Variants in MYPOP observed in about 807,000 individuals in gnomAD.
MYPOP encodes the protein myb-related transcription factor, partner of profilin.
A neutral mutation model predicts 25.7 loss-of-function variants in MYPOP; 21 were observed. The ratio of observed to expected loss-of-function variants is 0.82; its 90% CI spans 0.58 to 1.18. MYPOP has a LOEUF of 1.18. Among genes scored for constraint, MYPOP ranks in the 50% most tolerant of loss-of-function variants. The probability of loss-of-function intolerance (pLI) is 0.00; values close to 1 mark genes in which losing one functional copy is unlikely to be tolerated. For synonymous variants in MYPOP, 280 were observed against 247.9 expected, an observed-to-expected ratio of 1.13 and a Z score of -1.22; for missense variants, 566 against 588.3, an observed-to-expected ratio of 0.96 and a Z score of 0.39.
chr19:45,897,443 T>C (rs1967222317), intron 2 of MYPOP, among the ~76,000 whole-genome samples: 1 of 152,120 alleles, frequency 6.6e-6, no homozygotes, highest in Non-Finnish European at 1.5e-5. Context: ...ATAAGGAACG[T>C]GGGAATTGCA....
chr19:45,891,446 C>A, intron 2 of MYPOP, 123 bp from the exon 3 acceptor site: 1 of 1,189,556 alleles, frequency 8.4e-7, no homozygotes, highest in Non-Finnish European at 1.1e-6. Flanking sequence ...TCACCCCCGC[C>A]CCCCAGCCCC....
At position 45,902,176 on chromosome 19, in the gene MYPOP, G is replaced by C. The variant is rs1191945567; in HGVS notation, c.-52-351C>G. Among the ~76,000 whole-genome samples the C allele has an allele frequency of 2.2e-5, 3 of 137,770 alleles. No individual in the cohort carries two copies. In the Admixed American group the frequency reaches 2.3e-4, roughly 11 times the overall value. The allele number at this position is 137,770 out of a possible 152,430, so 90.4% of individuals were successfully genotyped here. ...GGATAGGAAATGGAGGGAGGATGGG[G>C]GTGCCTCGGGGGGGTCTTAGATGCA... is the stretch of plus-strand genomic sequence containing the variant. On this transcript the variant is annotated intron_variant, in intron 1 of 2. Coordinates refer to ENST00000322217, the MANE Select transcript of MYPOP (RefSeq NM_001012643.4).
At position 45,901,367 on chromosome 19, in the gene MYPOP, G is replaced by T; in HGVS notation, c.407C>A (p.Pro136His). The change falls in exon 2 of 3, where the codon CCC (proline) becomes CAC (histidine). Residue 136 changes from proline to histidine, a missense_variant. Transcript: ENST00000322217. This position sits in a 1 kb window ranked among gnomAD's most constrained non-coding sequence, Gnocchi z 5.7. ...APGAGAGAEE[P>H]PAAPSSQPPP... ...CGGCTGTGAAGAGGGGGCCGCAGGG[G>T]GCTCCTCCGCCCCAGCACCTGCCCC... 6.8e-7 allele frequency: 1 copy of T among 1,475,994 alleles called. No individual in the cohort carries two copies. The allele number at this position is 1,475,994 out of a possible 1,614,324, so 91.4% of individuals were successfully genotyped here.
intron 2 of MYPOP, among the ~76,000 whole-genome samples, chr19:45,898,733 G>T (rs1378014894): frequency 6.6e-6 from 1 of 152,056 alleles, no homozygotes; most frequent in Non-Finnish European, 1.5e-5. Flanking sequence ...CCAGATGTCT[G>T]TCAGGCCTAC....
At chr19:45,899,259 A>G (rs1249362660) in intron 2 of MYPOP, among the ~76,000 whole-genome samples, 3 of 152,074 alleles carry the variant, frequency 2.0e-5, no homozygotes, top group African/African-American at 2.4e-5. Flanking sequence ...ACAAAAAAAG[A>G]ATGTCGGTTC....
rs536242462 is a variant in MYPOP at position 45,890,946 on chromosome 19, C to A, written c.877G>T (p.Ala293Ser). The change falls in exon 3 of 3, where the codon GCT (alanine) becomes TCT (serine). Residue 293 changes from alanine (A) to serine (S), a missense_variant. Physicochemically the swap from Ala to Ser is moderately conservative, Grantham distance 99. Coordinates refer to ENST00000322217, the MANE Select transcript of MYPOP (RefSeq NM_001012643.4). Reference protein sequence around the residue: ...GLAKLSEALSALLPLLPGTPV... With the variant: ...GLAKLSEALSSLLPLLPGTPV... ...GTTCCTGGCAGAAGGGGCAGCAGAG[C>A]GCTGAGGGCCTCGCTCAGTTTGGCC... 1.2e-5 allele frequency: 17 copies of A among 1,467,254 alleles called. 1 individual carries two copies. The South Asian group carries it at 2.1e-4, about 18-fold the overall frequency. The allele number at this position is 1,467,254 out of a possible 1,614,324, so 90.9% of individuals were successfully genotyped here.
At chr19:45,896,926 CTT>C (rs1967214862) in intron 2 of MYPOP, among the ~76,000 whole-genome samples, 1 of 152,066 alleles carries the variant, frequency 6.6e-6, no homozygotes, top group Admixed American at 6.6e-5. Flanking sequence ...CGCCCGGCCT[CTT>C]TTGTTTTATA....
rs1188208881 is a variant in MYPOP at position 45,890,971 on chromosome 19, C to T, written c.852G>A (p.Leu284=). ...CGCTGAGGGCCTCGCTCAGTTTGGC[C>T]AGTCCCTGTCGAAGGGTGCCGGCCA... ...RELAGTLRQG[L]AKLSEALSAL... The change falls in exon 3 of 3, where the codon CTG becomes CTA. Residue 284 remains leucine (L), a synonymous_variant. Coordinates refer to ENST00000322217, the MANE Select transcript of MYPOP (RefSeq NM_001012643.4). 6 of 1,494,190 alleles carry T rather than the reference C, an allele frequency of 4.0e-6. No individual in the cohort carries two copies. The highest frequency in any genetic ancestry group is 5.4e-6 in the Non-Finnish European group (6 of 1,118,690). The allele number at this position is 1,494,190 out of a possible 1,614,324, so 92.6% of individuals were successfully genotyped here.
Position 45,890,717 on chromosome 19 carries a change from G to T in MYPOP, c.1106C>A (p.Pro369His). The change falls in exon 3 of 3, where the codon CCC (proline) becomes CAC (histidine). Residue 369 changes from proline to histidine, a missense_variant. By Grantham distance (77) the Pro-to-His change is moderately conservative (BLOSUM62 -2). Transcript: ENST00000322217. The part of the protein sequence containing the change: ...PRSEEGAPRP[P>H]PAPLPPHDSP... The stretch of plus-strand genomic sequence containing the variant: ...GTCGTGCGGAGGGAGCGGGGCTGGG[G>T]GGGGCCGGGGTGCCCCCTCCTCGCT... 1 of 1,582,386 alleles carries T rather than the reference G, an allele frequency of 6.3e-7. No homozygotes were observed. The highest frequency in any genetic ancestry group is 8.6e-7 in the Non-Finnish European group (1 of 1,162,854).
intron 2 of MYPOP, among the ~76,000 whole-genome samples, chr19:45,895,748 G>A (rs1967194547): frequency 6.6e-6 from 1 of 152,156 alleles, no homozygotes; most frequent in Admixed American, 6.6e-5. Flanking sequence ...ACAGGAGAAA[G>A]TCCAGCCTCT....
chr19:45,897,986 C>T (rs1207376814), intron 2 of MYPOP, among the ~76,000 whole-genome samples: 4 of 151,002 alleles, frequency 2.6e-5, no homozygotes, highest in Non-Finnish European at 5.9e-5. Flanking sequence ...TGCAGTGGCA[C>T]AATCTCGACT....
chr19:45,900,443 T>A, intron 2 of MYPOP, among the ~76,000 whole-genome samples: 1 of 138,128 alleles, frequency 7.2e-6, no homozygotes, highest in East Asian at 2.4e-4. Flanking sequence ...GAAGCCCTCC[T>A]GGACCACCCC....
rs1051790491 is a variant in MYPOP at position 45,890,376 on chromosome 19, T to C, written c.*247A>G. ...AGGGCAATAATAAATAACATGAAAT[T>C]GATGGCTTAGAAGTCAGGGTTAAGG... On this transcript the variant is annotated 3_prime_UTR_variant, in exon 3 of 3. Coordinates refer to ENST00000322217, the MANE Select transcript of MYPOP (RefSeq NM_001012643.4). 11 of 463,110 alleles carry C rather than the reference T, an allele frequency of 2.4e-5. No homozygotes were observed. Among genetic ancestry groups the C allele is most frequent in the Admixed American group, 1.2e-4 (3 of 24,512 alleles). The allele number at this position is 463,110 out of a possible 1,614,324, so 28.7% of individuals were successfully genotyped here.
Position 45,890,307 on chromosome 19 carries a change from A to C in MYPOP, c.*316T>G. 2 of 267,470 alleles carry C rather than the reference A, an allele frequency of 7.5e-6. No homozygotes were observed. The highest frequency in any genetic ancestry group is 1.4e-5 in the Non-Finnish European group (2 of 140,928). 16.6% of individuals were successfully genotyped at this position (267,470 alleles called of 1,614,324 possible). ...AGTCAAGAACAGGAACTGTTAGGGAAGGGGAGATGTGCAGACCCGAGAGGT... is the reference window on the plus strand; with the variant it reads ...AGTCAAGAACAGGAACTGTTAGGGACGGGGAGATGTGCAGACCCGAGAGGT... On this transcript the variant is annotated 3_prime_UTR_variant, in exon 3 of 3. Coordinates refer to ENST00000322217, the MANE Select transcript of MYPOP (RefSeq NM_001012643.4).
In MYPOP at chr19:45,901,154, C is replaced by T. The variant is rs1188581656; in HGVS notation, c.499+121G>A. On this transcript the variant is annotated intron_variant, in intron 2 of 2. Coordinates refer to ENST00000322217, the MANE Select transcript of MYPOP (RefSeq NM_001012643.4). This position sits in a 1 kb window ranked among gnomAD's most constrained non-coding sequence, Gnocchi z 5.7. ...ATTTCATTTTTCTGAGCTTCAGTTT[C>T]CCTAGCTATAAAATGGGGCGAAGGA... The T allele has an allele frequency of 1.0e-6, 1 of 955,248 alleles. No individual in the cohort carries two copies. Among genetic ancestry groups the T allele is most frequent in the Middle Eastern group, 2.3e-4 (1 of 4,328 alleles). 59.2% of individuals were successfully genotyped at this position (955,248 alleles called of 1,614,324 possible). A position where few individuals can be genotyped will look rare whatever the true frequency, so the allele number is the denominator to read the frequency against.
Position 45,901,457 on chromosome 19 carries a change from T to C in MYPOP, c.317A>G (p.Glu106Gly). The change falls in exon 2 of 3, where the codon GAG (glutamate) becomes GGG (glycine). Residue 106 changes from glutamate to glycine, a missense_variant. Glu to Gly is a moderately conservative substitution (Grantham distance 98). Transcript: ENST00000322217. The surrounding 1 kb of genome is among the most constrained non-coding windows in gnomAD (Gnocchi z 5.7). Reference protein sequence around the residue: ...HSTQGAGPAAEDAFSAEEETI... With the variant: ...HSTQGAGPAAGDAFSAEEETI... ...CTCCTCTTCCGCGGAGAAAGCGTCC[T>C]CCGCGGCGGGCCCGGCGCCCTGCGT... The C allele has an allele frequency of 2.5e-6, 4 of 1,598,304 alleles. No individual in the cohort carries two copies. Among genetic ancestry groups the C allele is most frequent in the Non-Finnish European group, 3.4e-6 (4 of 1,172,802 alleles).
intron 2 of MYPOP, among the ~76,000 whole-genome samples, chr19:45,898,951 G>A (rs1967247035): frequency 1.3e-5 from 2 of 152,314 alleles, no homozygotes; most frequent in South Asian, 4.1e-4. Flanking sequence ...TCCAGGTCGG[G>A]TGTGGTGGCT....
At chr19:45,902,518 G>A (rs780224841) in intron 1 of MYPOP, 52 bp downstream of exon 1, 3 of 152,284 alleles carry the variant, frequency 2.0e-5, no homozygotes, top group African/African-American at 4.8e-5. Flanking sequence ...GGACGGCAGG[G>A]AGAGCGAAGG....
Position 45,890,425 on chromosome 19 carries a change from G to T in MYPOP, c.*198C>A. Reference sequence around the variant, plus strand: ...GGGAGGCAGCCAGGCAGACAGCACTGTACCAGAGAAAGGGGTTGGGGGGGC... The same window carrying T: ...GGGAGGCAGCCAGGCAGACAGCACTTTACCAGAGAAAGGGGTTGGGGGGGC... On this transcript the variant is annotated 3_prime_UTR_variant, in exon 3 of 3. Coordinates refer to ENST00000322217, the MANE Select transcript of MYPOP (RefSeq NM_001012643.4). The T allele has an allele frequency of 2.6e-6, 2 of 771,024 alleles. No homozygotes were observed. The highest frequency in any genetic ancestry group is 2.0e-5 in the South Asian group (1 of 49,062). The allele number at this position is 771,024 out of a possible 1,614,324, so 47.8% of individuals were successfully genotyped here.
Sources: allele counts gnomAD v4.1 joint callset (sites outside exome capture counted in the v4.1 genomes callset), GRCh38; gene constraint gnomAD v4.1.1; non-coding constraint Gnocchi (gnomAD v3.1); transcripts MANE v1.5; gene names NCBI Gene and HGNC (gene_info 2026-07-23, HGNC 2026-07-21).